The following PLAC1 variants were observed in gnomAD, a reference collection of about 807,000 sequenced individuals.
PLAC1 encodes the protein placenta associated 1.
For synonymous variants in PLAC1, 68 were observed against 62.1 expected (o/e 1.09, Z -0.44); for missense variants, 136 against 163.2 (o/e 0.83, Z 0.91).
At chrX:134,714,876 G>T (rs35291499) in intron 2 of PLAC1, among the ~76,000 whole-genome samples, 7 of 110,601 alleles carry the variant, frequency 6.3e-5, no homozygotes, top group African/African-American at 2.3e-4. Flanking sequence ...ACCATGTTTT[G>T]TTTATCCAAT....
intron 1 of PLAC1, among the ~76,000 whole-genome samples, chrX:134,745,343 T>C (rs1397754011): frequency 1.8e-5 from 2 of 111,642 alleles, no homozygotes; most frequent in South Asian, 7.6e-4. Context: ...CCAATCCTTG[T>C]AGCGAGGTAT....
chrX:134,667,433 C>T (rs140507443), intron 2 of PLAC1, among the ~76,000 whole-genome samples: 3 of 112,142 alleles, frequency 2.7e-5, no homozygotes, highest in African/African-American at 9.7e-5. Context: ...ATATGCTCGA[C>T]ATCAATAATT....
chrX:134,587,791 C>A (rs753233837), intron 2 of PLAC1, among the ~76,000 whole-genome samples: 1 of 112,075 alleles, frequency 8.9e-6, no homozygotes, highest in Admixed American at 9.4e-5. Flanking sequence ...TTCATGGTGG[C>A]CTCTGCCGTG....
At chrX:134,589,218 G>A (rs919692196) in intron 2 of PLAC1, among the ~76,000 whole-genome samples, 13 of 111,659 alleles carry the variant, frequency 1.2e-4, no homozygotes, top group Non-Finnish European at 2.1e-4. Flanking sequence ...AATCCTTTGT[G>A]CTTGCCTAAT....
chrX:134,655,622 T>C (rs2078387348), intron 1 of PLAC1, among the ~76,000 whole-genome samples: 1 of 112,133 alleles, frequency 8.9e-6, no homozygotes, highest in African/African-American at 3.2e-5. Context: ...GTCCCTTTAG[T>C]GTCGTTTAAT....
Position 134,728,286 on chromosome X carries a change from A to G in PLAC1, n.174+5149T>C, listed in dbSNP as rs191480817. On this transcript the variant is annotated intron_variant and non_coding_transcript_variant, in intron 2 of 2. Coordinates refer to the PLAC1 transcript ENST00000466797. ...AAAAACATTAACCTACACATCCAAAAAGCACCACCAACTCCAAGTAGGATA... is the reference window on the plus strand; with the variant it reads ...AAAAACATTAACCTACACATCCAAAGAGCACCACCAACTCCAAGTAGGATA... Among the ~76,000 whole-genome samples the G allele has an allele frequency of 1.9e-3, 213 of 111,853 alleles. 1 individual carries two copies. Among genetic ancestry groups the G allele is most frequent in the African/African-American group, 6.6e-3 (202 of 30,805 alleles).
At chrX:134,653,042 A>G (rs2078371772) in intron 1 of PLAC1, among the ~76,000 whole-genome samples, 1 of 112,485 alleles carries the variant, frequency 8.9e-6, no homozygotes, top group Non-Finnish European at 1.9e-5. Flanking sequence ...CAGTCATGGT[A>G]ATAATAGTGG....
At position 134,652,508 on chromosome X, in the gene PLAC1, T is replaced by A. The variant is rs773107909; in HGVS notation, c.-131+5820A>T. Reference sequence around the variant, plus strand: ...TATCCTAGGAAACCTCATTTGAAGATAAACCTGTCACCACAGGGGTTGAAT... The same window carrying A: ...TATCCTAGGAAACCTCATTTGAAGAAAAACCTGTCACCACAGGGGTTGAAT... On this transcript the variant is annotated intron_variant, in intron 1 of 2. Transcript: ENST00000359237. 7.1e-5 allele frequency among the ~76,000 whole-genome samples: 8 copies of A among 112,071 alleles called. No individual in the cohort carries two copies. The East Asian group carries it at 2.2e-3, about 31-fold the overall frequency.
intron 1 of PLAC1, among the ~76,000 whole-genome samples, chrX:134,623,492 A>G (rs960844404): frequency 2.7e-5 from 3 of 112,442 alleles, no homozygotes; most frequent in Non-Finnish European, 5.6e-5. Flanking sequence ...TTGCAACTGT[A>G]CTCTGCAGTA....
intron 1 of PLAC1, among the ~76,000 whole-genome samples, chrX:134,616,849 C>T (rs1351820047): frequency 1.8e-5 from 2 of 108,689 alleles, no homozygotes; most frequent in Non-Finnish European, 3.8e-5. Context: ...GATCTCGACT[C>T]ACTGCAGCCT....
chrX:134,719,049 A>G (rs911299598), intron 2 of PLAC1, among the ~76,000 whole-genome samples: 2 of 112,122 alleles, frequency 1.8e-5, no homozygotes, highest in African/African-American at 3.2e-5. Flanking sequence ...AGGCAAATAC[A>G]TAGAGACAGG....
chrX:134,705,619 G>A (rs1179645998), intron 2 of PLAC1, among the ~76,000 whole-genome samples: 3 of 111,109 alleles, frequency 2.7e-5, no homozygotes, highest in Middle Eastern at 4.2e-3. Context: ...AGGAGCGTGA[G>A]CAGTGTGTGA....
At chrX:134,573,914 G>C (rs944213542) in intron 2 of PLAC1, among the ~76,000 whole-genome samples, 2 of 111,768 alleles carry the variant, frequency 1.8e-5, no homozygotes, top group Non-Finnish European at 3.8e-5. Context: ...CTGAGACGTA[G>C]AGAAGGTTTT....
intron 1 of PLAC1, among the ~76,000 whole-genome samples, chrX:134,650,157 T>C (rs757835306): frequency 7.1e-5 from 8 of 112,632 alleles, no homozygotes; most frequent in Non-Finnish European, 1.5e-4. Context: ...TTATAGAATC[T>C]AAGCATAAAA....
intron 2 of PLAC1, among the ~76,000 whole-genome samples, chrX:134,714,276 G>A (rs2078636950): frequency 9.1e-6 from 1 of 109,506 alleles, no homozygotes; most frequent in African/African-American, 3.3e-5. Flanking sequence ...GACAGCCCAG[G>A]CCATTCTCCT....
intron 2 of PLAC1, among the ~76,000 whole-genome samples, chrX:134,723,411 G>A (rs11799024): frequency 0.53 from 56,217 of 106,437 alleles, 13,975 homozygotes; most frequent in Non-Finnish European, 0.76. Context: ...AAGCTCAAGC[G>A]ATCCTCCCAA....
chrX:134,663,820 C>T (rs1488411200), intron 2 of PLAC1, among the ~76,000 whole-genome samples: 1 of 111,890 alleles, frequency 8.9e-6, no homozygotes, highest in Non-Finnish European at 1.9e-5. Context: ...GAGCATTCAA[C>T]AAGGACATTG....
intron 2 of PLAC1, among the ~76,000 whole-genome samples, chrX:134,598,706 T>C (rs1486818216): frequency 9.0e-6 from 1 of 111,569 alleles, no homozygotes; most frequent in Non-Finnish European, 1.9e-5. Flanking sequence ...TGTTAGGACC[T>C]GGCGGTAGTT....
chrX:134,710,610 G>T (rs1454041170), intron 2 of PLAC1, among the ~76,000 whole-genome samples: 1 of 111,645 alleles, frequency 9.0e-6, no homozygotes, highest in Non-Finnish European at 1.9e-5. Flanking sequence ...ATGTGCTGTG[G>T]TGGTACTATA....
Sources: gnomAD v4.1 joint callset for allele counts (sites outside exome capture counted in the v4.1 genomes callset) on GRCh38, gnomAD v4.1.1 for gene constraint, MANE v1.5 for transcripts, NCBI Gene and HGNC (gene_info 2026-07-23, HGNC 2026-07-21) for gene names.